Variants in DLC1 observed in about 807,000 individuals in gnomAD.
DLC1 encodes the protein DLC1 Rho GTPase activating protein.
Under a neutral mutation model 140.3 loss-of-function variants are expected in DLC1, and 54 were observed. The observed-to-expected ratio is 0.38, with a 90% CI of 0.31 to 0.48. The LOEUF is 0.48. DLC1 is among the 20% of genes least tolerant of loss of function. The pLI, the probability that DLC1 is intolerant of heterozygous loss-of-function variation, is 0.96. For synonymous variants in DLC1, 986 were observed against 728.1 expected, an observed-to-expected ratio of 1.35 and a Z score of -5.70; for missense variants, 2,536 against 1,907.0, an observed-to-expected ratio of 1.33 and a Z score of -6.14.
chr8:13,537,161 A>C (rs1397503665), intron 1 of DLC1, among the ~76,000 whole-genome samples: 1 of 152,222 alleles, frequency 6.6e-6, no homozygotes, highest in East Asian at 1.9e-4. Flanking sequence ...ATATTAGCAG[A>C]AATTCATGCT....
intron 5 of DLC1, among the ~76,000 whole-genome samples, chr8:13,123,660 C>G (rs1052435506): frequency 2.0e-5 from 3 of 152,114 alleles, no homozygotes; most frequent in Non-Finnish European, 4.4e-5. Context: ...CCCTCTCTCC[C>G]TCTTTTCCTG....
At chr8:13,335,485 C>T (rs556756956) in intron 4 of DLC1, among the ~76,000 whole-genome samples, 7 of 152,228 alleles carry the variant, frequency 4.6e-5, no homozygotes, top group South Asian at 4.1e-4. Flanking sequence ...TCATATTTAT[C>T]GTCAAGGCAC....
At chr8:13,432,283 A>G (rs1838914132) in intron 2 of DLC1, among the ~76,000 whole-genome samples, 1 of 152,220 alleles carries the variant, frequency 6.6e-6, no homozygotes. Flanking sequence ...AATACTAATG[A>G]AAGATATCCT....
At chr8:13,324,848 C>CGT (rs149986387) in intron 4 of DLC1, among the ~76,000 whole-genome samples, 21 of 151,302 alleles carry the variant, frequency 1.4e-4, no homozygotes, top group South Asian at 4.2e-4. Context: ...GAAGGTGTTT[C>CGT]GTGTGTGTGT....
At chr8:13,313,973 T>A (rs1832774963) in intron 4 of DLC1, among the ~76,000 whole-genome samples, 1 of 152,042 alleles carries the variant, frequency 6.6e-6, no homozygotes, top group Admixed American at 6.6e-5. Context: ...AGGAGCAGAC[T>A]CCCATTTCTG....
At chr8:13,156,320 C>T (rs60126657) in intron 5 of DLC1, among the ~76,000 whole-genome samples, 1 of 152,170 alleles carries the variant, frequency 6.6e-6, no homozygotes, top group East Asian at 1.9e-4. Context: ...ATACAGTATC[C>T]TGAGTACATA....
chr8:13,497,586 T>G (rs1342502066), intron 2 of DLC1, among the ~76,000 whole-genome samples: 1 of 152,206 alleles, frequency 6.6e-6, no homozygotes, highest in Non-Finnish European at 1.5e-5. Flanking sequence ...TTAGTATTGA[T>G]ATAAATGTTC....
intron 5 of DLC1, among the ~76,000 whole-genome samples, chr8:13,211,160 C>T (rs987149266): frequency 6.6e-6 from 1 of 152,200 alleles, no homozygotes; most frequent in Non-Finnish European, 1.5e-5. Context: ...TGGCAACGAC[C>T]TGGAAGTTAC....
At chr8:13,582,283 A>G (rs1292992595) in intron 1 of DLC1, among the ~76,000 whole-genome samples, 2 of 152,230 alleles carry the variant, frequency 1.3e-5, no homozygotes, top group Admixed American at 6.5e-5. Context: ...AAACACCAGT[A>G]TACTAATATG....
intron 4 of DLC1, among the ~76,000 whole-genome samples, chr8:13,352,942 C>T (rs1834743052): frequency 6.6e-6 from 1 of 152,162 alleles, no homozygotes; most frequent in South Asian, 2.1e-4. Flanking sequence ...TGTGGAAATA[C>T]ACTAAAAAAA....
chr8:13,281,414 T>G (rs1022054787), intron 5 of DLC1, among the ~76,000 whole-genome samples: 2 of 152,196 alleles, frequency 1.3e-5, no homozygotes, highest in African/African-American at 4.8e-5. Context: ...AGCTCTGACC[T>G]GGGGACAAAC....
chr8:13,398,427 A>G (rs1029693766), intron 3 of DLC1, among the ~76,000 whole-genome samples: 13 of 152,066 alleles, frequency 8.5e-5, no homozygotes, highest in African/African-American at 3.1e-4. Flanking sequence ...CTGTCAAATA[A>G]GAGAAAGGAT....
At chr8:13,336,748 A>G (rs1833825263) in intron 4 of DLC1, among the ~76,000 whole-genome samples, 1 of 152,226 alleles carries the variant, frequency 6.6e-6, no homozygotes, top group South Asian at 2.1e-4. Flanking sequence ...TTAATACAAA[A>G]TAGTGTTAAT....
chr8:13,257,503 G>C (rs1830287965), intron 5 of DLC1, among the ~76,000 whole-genome samples: 1 of 150,508 alleles, frequency 6.6e-6, no homozygotes. Flanking sequence ...TATCACTATA[G>C]CTATTGGTAG....
chr8:13,279,559 C>A (rs1432621281), intron 5 of DLC1, among the ~76,000 whole-genome samples: 3 of 152,138 alleles, frequency 2.0e-5, no homozygotes, highest in African/African-American at 7.2e-5. Flanking sequence ...GCAAGGCAAA[C>A]TTTAATTATA....
intron 5 of DLC1, among the ~76,000 whole-genome samples, chr8:13,149,146 C>T (rs551512137): frequency 6.6e-6 from 1 of 152,258 alleles, no homozygotes; most frequent in East Asian, 1.9e-4. Flanking sequence ...AATCAAAATA[C>T]AGAAGGCACA....
chr8:13,108,490 A>G (rs957275657), intron 7 of DLC1, among the ~76,000 whole-genome samples: 12 of 152,234 alleles, frequency 7.9e-5, no homozygotes, highest in Non-Finnish European at 1.3e-4. Context: ...GTGGCTTCTC[A>G]AAAGGTACTC....
chr8:13,128,674 T>C (rs973503198), intron 5 of DLC1, among the ~76,000 whole-genome samples: 1 of 151,876 alleles, frequency 6.6e-6, no homozygotes, highest in Non-Finnish European at 1.5e-5. Flanking sequence ...CTACTAAAAA[T>C]ACCAAAAAAT....
chr8:13,493,989 G>T (rs1314473803), intron 2 of DLC1, among the ~76,000 whole-genome samples: 1 of 152,156 alleles, frequency 6.6e-6, no homozygotes, highest in African/African-American at 2.4e-5. Context: ...GTTTTCCAGA[G>T]ATGTAAAGTA....
Sources: gnomAD v4.1 joint callset for allele counts (sites outside exome capture counted in the v4.1 genomes callset) on GRCh38, gnomAD v4.1.1 for gene constraint, MANE v1.5 for transcripts, NCBI Gene and HGNC (gene_info 2026-07-23, HGNC 2026-07-21) for gene names.